NUDCD3: variants seen among roughly 807,000 people sequenced by gnomAD.
NUDCD3 encodes nudC domain-containing protein 3.
NUDCD3 carries 13 observed loss-of-function variants against 39.7 expected under a neutral mutation model. The observed-to-expected ratio is 0.33, with a 90% CI of 0.21 to 0.52. The LOEUF (loss-of-function observed/expected upper bound fraction) is 0.52. Ranked by LOEUF, NUDCD3 falls within the 20% of genes least tolerant of loss-of-function variation. The pLI is 0.96. For missense variants in NUDCD3, 453 were observed against 458.1 expected, an observed-to-expected ratio of 0.99 and a Z score of 0.10; for synonymous variants, 175 against 172.4, an observed-to-expected ratio of 1.02 and a Z score of -0.12.
At chr7:44,477,227 T>C (rs1299178450) in intron 2 of NUDCD3, among the ~76,000 whole-genome samples, 2 of 152,186 alleles carry the variant, frequency 1.3e-5, no homozygotes, top group Non-Finnish European at 2.9e-5. Flanking sequence ...GCAGGAGGAA[T>C]GGCCTAGTTG....
At chr7:44,404,340 A>G in intron 4 of NUDCD3, 100 bp downstream of exon 4, 1 of 1,234,542 alleles carries the variant, frequency 8.1e-7, no homozygotes, top group Admixed American at 2.0e-5. Flanking sequence ...GAAATTAACA[A>G]CCTCACTGCT....
chr7:44,468,465 T>C (rs1188989335), intron 2 of NUDCD3, among the ~76,000 whole-genome samples: 1 of 152,058 alleles, frequency 6.6e-6, no homozygotes, highest in East Asian at 1.9e-4. Context: ...ATGCCCGGTC[T>C]CTAGACTCCA....
At chr7:44,471,834 T>C (rs1380937346) in intron 2 of NUDCD3, 1 of 152,144 alleles carries the variant, frequency 6.6e-6, no homozygotes, top group East Asian at 1.9e-4. Flanking sequence ...AAGCAACAGG[T>C]CTAATCGAGG....
At chr7:44,488,673 C>T (rs375920448) in intron 1 of NUDCD3, among the ~76,000 whole-genome samples, 1 of 152,178 alleles carries the variant, frequency 6.6e-6, no homozygotes, top group Non-Finnish European at 1.5e-5. Context: ...GGTGACAGTT[C>T]AGTTAACGCA....
intron 5 of NUDCD3, 88 bp downstream of exon 5, chr7:44,392,209 C>A (rs573434802): frequency 6.8e-6 from 9 of 1,320,588 alleles, no homozygotes; most frequent in African/African-American, 1.5e-5. Context: ...TCTTCCCCAC[C>A]GTCATCACCA....
intron 2 of NUDCD3, among the ~76,000 whole-genome samples, chr7:44,459,280 C>G (rs1799962901): frequency 6.6e-6 from 1 of 151,156 alleles, no homozygotes; most frequent in South Asian, 2.1e-4. Flanking sequence ...CCCACTGTAG[C>G]CTTGACCTAC....
Position 44,398,086 on chromosome 7 carries a change from T to C in NUDCD3, c.787-5601A>G, listed in dbSNP as rs144785672. ...AGGTCTGACTTCTCCACTGTAGTTA[T>C]TGACTTGCAAACTCTCCTCTCCAGA... is the stretch of plus-strand genomic sequence containing the variant. On this transcript the variant is annotated intron_variant, in intron 4 of 5. Coordinates refer to ENST00000355451, the MANE Select transcript of NUDCD3 (RefSeq NM_015332.4). 2.6e-3 allele frequency among the ~76,000 whole-genome samples: 403 copies of C among 152,290 alleles called. 2 individuals are homozygous for C. The highest frequency in any genetic ancestry group is 8.3e-3 in the African/African-American group (347 of 41,562).
rs1233651345 is a variant in NUDCD3 at position 44,382,545 on chromosome 7, T to C, written c.*3466A>G. The stretch of plus-strand genomic sequence containing the variant: ...GGCACTCCCCAGGGCAGCAGCCTGG[T>C]TTAAATGCCTGTTCCCCAGACCCCA... On this transcript the variant is annotated 3_prime_UTR_variant, in exon 6 of 6. Transcript: ENST00000355451. 6.6e-6 allele frequency: 1 copy of C among 152,174 alleles called. No homozygotes were observed. Among genetic ancestry groups the C allele is most frequent in the Non-Finnish European group, 1.5e-5 (1 of 68,092 alleles). The allele number at this position is 152,174 out of a possible 1,614,324, so 9.4% of individuals were successfully genotyped here.
At chr7:44,428,937 C>G (rs1480357909) in intron 2 of NUDCD3, among the ~76,000 whole-genome samples, 2 of 152,148 alleles carry the variant, frequency 1.3e-5, no homozygotes, top group African/African-American at 4.8e-5. Flanking sequence ...GGGAGACGGC[C>G]CCATGGGCTT....
rs532649728 is a variant in NUDCD3, at chr7:44,382,231, A to C, written c.*3780T>G. Reference sequence around the variant, plus strand: ...AGGAAGGTGAGGACTGAAAAACTACATATCAGGTATCATGCTGATTACCTG... The same window carrying C: ...AGGAAGGTGAGGACTGAAAAACTACCTATCAGGTATCATGCTGATTACCTG... On this transcript the variant is annotated 3_prime_UTR_variant, in exon 6 of 6. Coordinates refer to ENST00000355451, the MANE Select transcript of NUDCD3 (RefSeq NM_015332.4). The C allele has an allele frequency of 1.3e-5, 2 of 152,270 alleles. No homozygotes were observed. The highest frequency in any genetic ancestry group is 2.1e-4 in the South Asian group (1 of 4,828). 9.4% of individuals were successfully genotyped at this position (152,270 alleles called of 1,614,324 possible). A position where few individuals can be genotyped will look rare whatever the true frequency, so the allele number is the denominator to read the frequency against.
chr7:44,467,198 G>T (rs1800137046), intron 2 of NUDCD3, among the ~76,000 whole-genome samples: 1 of 152,162 alleles, frequency 6.6e-6, no homozygotes, highest in Non-Finnish European at 1.5e-5. Context: ...GAAAAGTTAT[G>T]ACAGAAAAGG....
intron 4 of NUDCD3, among the ~76,000 whole-genome samples, chr7:44,403,669 T>C (rs1329140908): frequency 1.3e-5 from 2 of 152,244 alleles, no homozygotes; most frequent in Admixed American, 1.3e-4. Context: ...GCATGTCTTA[T>C]AGAAACCAAA....
At chr7:44,486,835 T>C (rs910389804) in intron 1 of NUDCD3, among the ~76,000 whole-genome samples, 2 of 152,158 alleles carry the variant, frequency 1.3e-5, no homozygotes, top group Non-Finnish European at 2.9e-5. Context: ...GACCTACCCA[T>C]TCACACCACC....
At chr7:44,395,455 T>C (rs953007094) in intron 4 of NUDCD3, among the ~76,000 whole-genome samples, 2 of 152,260 alleles carry the variant, frequency 1.3e-5, no homozygotes, top group Non-Finnish European at 2.9e-5. Flanking sequence ...GCATGTAGTA[T>C]ATCCACAATG....
intron 2 of NUDCD3, among the ~76,000 whole-genome samples, chr7:44,458,940 G>GTGTGTGTGTT (rs1799952707): frequency 1.1e-5 from 1 of 89,848 alleles, no homozygotes; most frequent in African/African-American, 4.4e-5. Flanking sequence ...GGAGTGCTGT[G>GTGTGTGTGTT]TGTGTGTGTG....
intron 2 of NUDCD3, among the ~76,000 whole-genome samples, chr7:44,437,931 T>C (rs1799495902): frequency 6.6e-6 from 1 of 152,204 alleles, no homozygotes; most frequent in African/African-American, 2.4e-5. Context: ...GTTTGTACAG[T>C]GAGTTTTTTC....
intron 3 of NUDCD3, among the ~76,000 whole-genome samples, chr7:44,417,480 T>C (rs188404868): frequency 6.0e-4 from 91 of 152,316 alleles, no homozygotes; most frequent in African/African-American, 2.0e-3. Context: ...AATAACCAGT[T>C]TTAGCTTGGG....
intron 2 of NUDCD3, among the ~76,000 whole-genome samples, chr7:44,474,421 T>G (rs1305924541): frequency 2.0e-5 from 3 of 152,188 alleles, no homozygotes; most frequent in Non-Finnish European, 2.9e-5. Flanking sequence ...AATGTATGAT[T>G]TTAAGCAAAG....
At chr7:44,422,139 G>A (rs989939506) in intron 3 of NUDCD3, among the ~76,000 whole-genome samples, 13 of 152,162 alleles carry the variant, frequency 8.5e-5, no homozygotes, top group African/African-American at 2.9e-4. Context: ...AGCTAAAACG[G>A]TGTTAACAGG....
Sources: gnomAD v4.1 joint callset for allele counts (sites outside exome capture counted in the v4.1 genomes callset) on GRCh38, gnomAD v4.1.1 for gene constraint, MANE v1.5 for transcripts, NCBI Gene and HGNC (gene_info 2026-07-23, HGNC 2026-07-21) for gene names.